Variants in CEP104 observed in about 807,000 individuals in gnomAD.
The protein encoded by CEP104 is centrosomal protein 104.
CEP104 carries 84 observed loss-of-function variants against 113.3 expected under a neutral mutation model. The observed-to-expected ratio is 0.74, with a 90% CI of 0.62 to 0.89. CEP104 has a LOEUF of 0.89. Among genes scored for constraint, CEP104 ranks in the 40% least tolerant of loss-of-function variants. The pLI is 0.00. For missense variants in CEP104, 1,053 were observed against 1,156.6 expected (o/e 0.91, Z 1.30); for synonymous variants, 378 against 421.7 (o/e 0.90, Z 1.27).
At chr1:3,835,374 T>A (rs1359779894) in intron 10 of CEP104, among the ~76,000 whole-genome samples, 36 of 152,238 alleles carry the variant, frequency 2.4e-4, no homozygotes, top group Admixed American at 2.4e-3. Context: ...GGGAAAACCC[T>A]ACTCATTTCT....
At chr1:3,843,861 A>G (rs1644459461) in intron 6 of CEP104, among the ~76,000 whole-genome samples, 1 of 151,892 alleles carries the variant, frequency 6.6e-6, no homozygotes, top group South Asian at 2.1e-4. Flanking sequence ...TCCCGGATTC[A>G]AGTCATTCTC....
chr1:3,827,683 A>C (rs564160518), intron 15 of CEP104, among the ~76,000 whole-genome samples: 5 of 152,338 alleles, frequency 3.3e-5, no homozygotes, highest in African/African-American at 1.2e-4. Flanking sequence ...ACCCCAACAA[A>C]AAAAGAGAAA....
At chr1:3,843,375 A>ACTT (rs1391925796) in intron 6 of CEP104, 28 of 436,252 alleles carry the variant, frequency 6.4e-5, no homozygotes, top group East Asian at 3.7e-4. Flanking sequence ...AAATATGTAT[A>ACTT]ATTTTTTTTT....
At chr1:3,828,720 G>A (rs1164513898) in intron 15 of CEP104, among the ~76,000 whole-genome samples, 4 of 152,066 alleles carry the variant, frequency 2.6e-5, no homozygotes, top group African/African-American at 9.7e-5. Flanking sequence ...TCTTTCAACT[G>A]AAGGAAACTT....
intron 6 of CEP104, chr1:3,843,376 A>ATG: frequency 5.8e-6 from 2 of 342,024 alleles, no homozygotes; most frequent in Non-Finnish European, 5.3e-6. Flanking sequence ...AATATGTATA[A>ATG]TTTTTTTTTT....
At chr1:3,822,048 T>C (rs1220501692) in intron 20 of CEP104, among the ~76,000 whole-genome samples, 1 of 152,200 alleles carries the variant, frequency 6.6e-6, no homozygotes, top group African/African-American at 2.4e-5. Flanking sequence ...TGCAACAACG[T>C]GCTGTCTGGG....
At chr1:3,844,599 G>A (rs1644471970) in intron 6 of CEP104, among the ~76,000 whole-genome samples, 1 of 149,158 alleles carries the variant, frequency 6.7e-6, no homozygotes, top group Non-Finnish European at 1.5e-5. Flanking sequence ...TCAGGAGACT[G>A]AGGCAGGAGA....
At chr1:3,838,651 G>A (rs1644358237) in intron 8 of CEP104, among the ~76,000 whole-genome samples, 1 of 152,232 alleles carries the variant, frequency 6.6e-6, no homozygotes. Context: ...CAGTGGGGCA[G>A]GGTCATCACT....
At chr1:3,821,815 G>A (rs1451915551) in intron 20 of CEP104, among the ~76,000 whole-genome samples, 1 of 152,248 alleles carries the variant, frequency 6.6e-6, no homozygotes, top group Non-Finnish European at 1.5e-5. Context: ...GGGGCAAACA[G>A]CTCCTTCCTT....
intron 8 of CEP104, among the ~76,000 whole-genome samples, 173 bp downstream of exon 8, chr1:3,838,791 G>A (rs1232447984): frequency 6.6e-6 from 1 of 152,172 alleles, no homozygotes; most frequent in Non-Finnish European, 1.5e-5. Flanking sequence ...AACATGCTGA[G>A]GCAAAGCCTC....
At chr1:3,834,789 A>C in intron 11 of CEP104, 136 bp downstream of exon 11, 1 of 718,826 alleles carries the variant, frequency 1.4e-6, no homozygotes. Flanking sequence ...CTCATTTCTT[A>C]GTGATTCTAT....
chr1:3,844,415 T>C (rs550402170), intron 6 of CEP104, among the ~76,000 whole-genome samples: 1 of 152,194 alleles, frequency 6.6e-6, no homozygotes, highest in Non-Finnish European at 1.5e-5. Flanking sequence ...GGAGAATTGC[T>C]TGAACGCAGG....
In CEP104 at chr1:3,839,040, T is replaced by C; in HGVS notation, c.815A>G (p.Lys272Arg). 1 of 1,614,138 alleles carries C rather than the reference T, an allele frequency of 6.2e-7. No homozygotes were observed. The highest frequency in any genetic ancestry group is 8.5e-7 in the Non-Finnish European group (1 of 1,180,026). ...EKEDYDLAKE[K>R]KQQMEQYRAE... ...ACGATACTGCTCCATCTGCTGCTTC[T>C]TCTCCTTGGCGAGATCGTAGTCTTC... The change falls in exon 8 of 22, where the codon AAG becomes AGG. Residue 272 changes from lysine to arginine, a missense_variant. Coordinates refer to ENST00000378230, the MANE Select transcript of CEP104 (RefSeq NM_014704.4).
intron 6 of CEP104, among the ~76,000 whole-genome samples, 198 bp downstream of exon 6, chr1:3,844,709 G>T (rs6658780): frequency 1.1e-5 from 1 of 93,022 alleles, no homozygotes; most frequent in African/African-American, 6.3e-5. Context: ...AAAAAAAAAG[G>T]AAAAAAATAA....
intron 11 of CEP104, among the ~76,000 whole-genome samples, chr1:3,834,321 CG>C (rs1644271324): frequency 6.7e-6 from 1 of 148,904 alleles, no homozygotes; most frequent in Non-Finnish European, 1.5e-5. Context: ...CCCTTCATAC[CG>C]AGTATCTAAC....
intron 2 of CEP104, among the ~76,000 whole-genome samples, chr1:3,849,533 A>C (rs979259176): frequency 1.3e-5 from 2 of 152,220 alleles, no homozygotes; most frequent in Non-Finnish European, 2.9e-5. Context: ...GCCCAGCCCA[A>C]AAGTAACACA....
intron 15 of CEP104, among the ~76,000 whole-genome samples, chr1:3,828,150 G>A (rs2124652633): frequency 6.6e-6 from 1 of 152,250 alleles, no homozygotes; most frequent in Non-Finnish European, 1.5e-5. Flanking sequence ...TGGTGAGGGA[G>A]GCGGGAGGCA....
rs938560244 is a variant in CEP104 at position 3,853,028 on chromosome 1, A to G, written c.-14-607T>C. On this transcript the variant is annotated intron_variant, in intron 1 of 21. Transcript: ENST00000378230. Reference sequence around the variant, plus strand: ...ATGCAGCCATCTGACTTCTGCCTGCAGAATGAATTTCTGGTGTTTTAAGCC... The same window carrying G: ...ATGCAGCCATCTGACTTCTGCCTGCGGAATGAATTTCTGGTGTTTTAAGCC... Among the ~76,000 whole-genome samples, 65 of 152,378 alleles carry G rather than the reference A, an allele frequency of 4.3e-4. 1 individual carries two copies. The highest frequency in any genetic ancestry group is 1.5e-3 in the African/African-American group (61 of 41,598).
At chr1:3,841,173 C>T (rs1209573082) in intron 6 of CEP104, among the ~76,000 whole-genome samples, 2 of 152,156 alleles carry the variant, frequency 1.3e-5, no homozygotes, top group African/African-American at 2.4e-5. Flanking sequence ...GAACACCCTT[C>T]GAGACAGGTA....
Sources: allele counts gnomAD v4.1 joint callset (sites outside exome capture counted in the v4.1 genomes callset), GRCh38; gene constraint gnomAD v4.1.1; transcripts MANE v1.5; gene names NCBI Gene and HGNC (gene_info 2026-07-23, HGNC 2026-07-21).